The following CD226 variants were observed in gnomAD, a reference collection of about 807,000 sequenced individuals.
The protein encoded by CD226 is CD226 antigen.
Under a neutral mutation model 34.9 loss-of-function variants are expected in CD226, and 24 were observed. The ratio of observed to expected loss-of-function variants is 0.69; its 90% confidence interval spans 0.50 to 0.97. The LOEUF is 0.97. CD226 is among the 50% of genes least tolerant of loss of function. CD226 has a pLI of 0.00. For missense variants in CD226, 397 were observed against 412.7 expected, an observed-to-expected ratio of 0.96 and a Z score of 0.33; for synonymous variants, 148 against 147.4, an observed-to-expected ratio of 1.00 and a Z score of -0.03.
In CD226 at chr18:69,882,831, C is replaced by A. The variant is rs146204423; in HGVS notation, c.728-9585G>T. On this transcript the variant is annotated intron_variant, in intron 3 of 5. Transcript: ENST00000582621. ...GGCACATGCCACCAGGCCCAGCTAA[C>A]ATTTTTTTAAATTGTTTGTAGAGAC... Among the ~76,000 whole-genome samples, 28 of 152,262 alleles carry A rather than the reference C, an allele frequency of 1.8e-4. No individual in the cohort carries two copies. The East Asian group carries it at 5.2e-3, about 28-fold the overall frequency.
In CD226 at chr18:69,904,021, C is replaced by T. The variant is rs547887743; in HGVS notation, c.383-7976G>A. On this transcript the variant is annotated intron_variant, in intron 2 of 5. Transcript: ENST00000582621. ...CGTCTTCACAACACTGCTTCCCACACGTTGCCATTTTCTGTCTTTCATCTA... is the reference window on the plus strand; with the variant it reads ...CGTCTTCACAACACTGCTTCCCACATGTTGCCATTTTCTGTCTTTCATCTA... Among the ~76,000 whole-genome samples, 9 of 152,240 alleles carry T rather than the reference C, an allele frequency of 5.9e-5. No individual in the cohort carries two copies. The South Asian group carries it at 1.7e-3, about 28-fold the overall frequency.
rs1472653576 is a variant in CD226, at chr18:69,858,488, T to C, written c.*5826A>G. ...AGACACTGATTTTGGAATAAGTCAG[T>C]GAATAAAAATAGGGGCTCAGGACTC... On this transcript the variant is annotated 3_prime_UTR_variant, in exon 6 of 6. Coordinates refer to ENST00000582621, the MANE Select transcript of CD226 (RefSeq NM_001303618.2). 6.6e-6 allele frequency: 1 copy of C among 152,020 alleles called. No individual in the cohort carries two copies. The highest frequency in any genetic ancestry group is 1.5e-5 in the Non-Finnish European group (1 of 68,028). The allele number at this position is 152,020 out of a possible 1,614,324, so 9.4% of individuals were successfully genotyped here. A position where few individuals can be genotyped will look rare whatever the true frequency, so the allele number is the denominator to read the frequency against.
intron 2 of CD226, among the ~76,000 whole-genome samples, chr18:69,926,266 T>A (rs1366056948): frequency 6.6e-6 from 1 of 152,020 alleles, no homozygotes; most frequent in Admixed American, 6.5e-5. Flanking sequence ...TCCATCCTCT[T>A]ACATCTCCCG....
At position 69,861,095 on chromosome 18, in the gene CD226, A is replaced by C. The variant is rs1378491419; in HGVS notation, c.*3219T>G. On this transcript the variant is annotated 3_prime_UTR_variant, in exon 6 of 6. Coordinates refer to ENST00000582621, the MANE Select transcript of CD226 (RefSeq NM_001303618.2). ...GGATGTTCACAATCCACGAATGCCTACTAAAAGTATTTTTACTTACTTTGT... is the reference window on the plus strand; with the variant it reads ...GGATGTTCACAATCCACGAATGCCTCCTAAAAGTATTTTTACTTACTTTGT... 2.6e-5 allele frequency: 4 copies of C among 152,102 alleles called. No individual in the cohort carries two copies. The highest frequency in any genetic ancestry group is 6.5e-5 in the Admixed American group (1 of 15,280). The allele number at this position is 152,102 out of a possible 1,614,324, so 9.4% of individuals were successfully genotyped here.
intron 1 of CD226, among the ~76,000 whole-genome samples, chr18:69,954,291 A>G (rs1371933817): frequency 6.6e-6 from 1 of 152,250 alleles, no homozygotes; most frequent in Non-Finnish European, 1.5e-5. Context: ...CTCTGTCACA[A>G]CTTTGTGATA....
intron 4 of CD226, among the ~76,000 whole-genome samples, chr18:69,869,945 C>A (rs866141796): frequency 6.6e-6 from 1 of 151,316 alleles, no homozygotes. Flanking sequence ...GGATTACAGG[C>A]GCCCGCCACC....
At chr18:69,933,545 C>G (rs1040889289) in intron 2 of CD226, among the ~76,000 whole-genome samples, 3 of 152,350 alleles carry the variant, frequency 2.0e-5, no homozygotes, top group Admixed American at 6.5e-5. Context: ...TTTCCAAATT[C>G]CACCTTGCAT....
chr18:69,866,725 T>G (rs1788229), intron 5 of CD226, among the ~76,000 whole-genome samples: 73,566 of 151,918 alleles, frequency 0.48, 18,774 homozygotes, highest in East Asian at 0.73. Context: ...TGACCTCATT[T>G]GAAAATAGGA....
chr18:69,867,392 T>G lies in CD226; in HGVS notation c.850A>C (p.Arg284=). 2.5e-6 allele frequency: 4 copies of G among 1,579,270 alleles called. No individual in the cohort carries two copies. The highest frequency in any genetic ancestry group is 2.6e-6 in the Non-Finnish European group (3 of 1,148,532). The part of the protein sequence containing the change: ...FLNRRRRRER[R]DLFTESWDTQ... ...TCCCAGGACTCTGTAAATAGATCTC[T>G]TCTCTCTCTCCTTCTCCTTCTGGAA... is the stretch of plus-strand genomic sequence containing the variant. The change falls in exon 5 of 6, where the codon AGA becomes CGA. Residue 284 remains arginine, a synonymous_variant. Coordinates refer to ENST00000582621, the MANE Select transcript of CD226 (RefSeq NM_001303618.2).
At chr18:69,882,992 A>T (rs1984351782) in intron 3 of CD226, among the ~76,000 whole-genome samples, 1 of 151,966 alleles carries the variant, frequency 6.6e-6, no homozygotes, top group Non-Finnish European at 1.5e-5. Context: ...TGGACACTTG[A>T]CTCTGAGTCA....
chr18:69,871,732 T>G (rs1440760893), intron 4 of CD226, among the ~76,000 whole-genome samples: 1 of 152,210 alleles, frequency 6.6e-6, no homozygotes, highest in East Asian at 1.9e-4. Context: ...CCACAAAATT[T>G]ATCAACATCC....
At chr18:69,921,484 A>G (rs995209815) in intron 2 of CD226, among the ~76,000 whole-genome samples, 1 of 152,130 alleles carries the variant, frequency 6.6e-6, no homozygotes, top group African/African-American at 2.4e-5. Context: ...AAGCATCTCC[A>G]CAGAAGGAAT....
chr18:69,896,460 C>T (rs1037761980), intron 2 of CD226, among the ~76,000 whole-genome samples: 6 of 152,204 alleles, frequency 3.9e-5, no homozygotes, highest in African/African-American at 1.4e-4. Flanking sequence ...GGATTACAGG[C>T]ATGAGCCACC....
rs1982739743 is a variant in CD226, at chr18:69,860,114, G to C, written c.*4200C>G. ...AATAAAATACAAAGAACATTGCATT[G>C]AGATAAAAATTACAATGTATCATTG... On this transcript the variant is annotated 3_prime_UTR_variant, in exon 6 of 6. Transcript: ENST00000582621. 6.6e-6 allele frequency: 1 copy of C among 152,088 alleles called. No individual in the cohort carries two copies. The allele number at this position is 152,088 out of a possible 1,614,324, so 9.4% of individuals were successfully genotyped here. A position where few individuals can be genotyped will look rare whatever the true frequency, so the allele number is the denominator to read the frequency against.
intron 3 of CD226, among the ~76,000 whole-genome samples, chr18:69,881,475 G>GT (rs1177586091): frequency 1.8e-4 from 27 of 151,994 alleles, no homozygotes; most frequent in Non-Finnish European, 3.2e-4. Context: ...GTTTTAAACA[G>GT]TTTTTTTTGG....
rs115404079 is a variant in CD226, at chr18:69,933,789, C to T, written c.382+12945G>A. Reference sequence around the variant, plus strand: ...TCAATTCTGCTATTTTCACTGAAAACAGAATAATCAGACCATGTTAAGAAT... The same window carrying T: ...TCAATTCTGCTATTTTCACTGAAAATAGAATAATCAGACCATGTTAAGAAT... On this transcript the variant is annotated intron_variant, in intron 2 of 5. Coordinates refer to ENST00000582621, the MANE Select transcript of CD226 (RefSeq NM_001303618.2). Among the ~76,000 whole-genome samples the T allele has an allele frequency of 5.5e-3, 837 of 152,226 alleles. 8 individuals carry two copies. The highest frequency in any genetic ancestry group is 0.019 in the African/African-American group (806 of 41,528).
At chr18:69,934,308 A>ACACACACACACG (rs1555684047) in intron 2 of CD226, among the ~76,000 whole-genome samples, 1 of 150,904 alleles carries the variant, frequency 6.6e-6, no homozygotes, top group African/African-American at 2.5e-5. Flanking sequence ...ACACACACAC[A>ACACACACACACG]CACGCACGCA....
chr18:69,919,395 A>G (rs761113734), intron 2 of CD226, among the ~76,000 whole-genome samples: 8 of 152,218 alleles, frequency 5.3e-5, no homozygotes, highest in Non-Finnish European at 1.2e-4. Context: ...TATCTAAAAT[A>G]TTGTCAAAAG....
chr18:69,882,392 G>A (rs1289027527), intron 3 of CD226, among the ~76,000 whole-genome samples: 1 of 152,170 alleles, frequency 6.6e-6, no homozygotes, highest in Non-Finnish European at 1.5e-5. Flanking sequence ...GACTGTATTA[G>A]CTACTTCTTC....
Sources: allele counts gnomAD v4.1 joint callset (sites outside exome capture counted in the v4.1 genomes callset), GRCh38; gene constraint gnomAD v4.1.1; transcripts MANE v1.5; gene names NCBI Gene and HGNC (gene_info 2026-07-23, HGNC 2026-07-21).